The following GLO1 variants were observed in gnomAD, a reference collection of about 807,000 sequenced individuals.
GLO1 encodes the protein lactoylglutathione lyase.
In GLO1, 28 loss-of-function variants were observed where a neutral mutation model predicts 26.0. The ratio of observed to expected loss-of-function variants is 1.08; its 90% CI spans 0.80 to 1.48. The LOEUF is 1.48. GLO1 is among the 40% of genes most tolerant of loss of function. GLO1 has a pLI of 0.00. For missense variants in GLO1, 225 were observed against 224.8 expected (o/e 1.00, Z -0.01); for synonymous variants, 78 against 77.6 (o/e 1.00, Z -0.03).
intron 1 of GLO1, among the ~76,000 whole-genome samples, chr6:38,700,779 G>A (rs1761685752): frequency 7.5e-6 from 1 of 133,950 alleles, no homozygotes; most frequent in Admixed American, 7.6e-5. Flanking sequence ...TTAATTCATT[G>A]AGGGTTTTTT....
chr6:38,687,025 C>A, intron 1 of GLO1, 51 bp from the exon 2 acceptor site: 1 of 1,541,204 alleles, frequency 6.5e-7, no homozygotes, highest in South Asian at 1.2e-5. Flanking sequence ...CATTTATTAC[C>A]AACATTAATT....
intron 1 of GLO1, chr6:38,687,225 G>A (rs1354885428): frequency 2.9e-6 from 1 of 340,786 alleles, no homozygotes; most frequent in Non-Finnish European, 4.1e-6. Context: ...CTGTCCCTTG[G>A]TGGGACAATT....
In GLO1 at chr6:38,684,516, T is replaced by C. The variant is rs965733376; in HGVS notation, c.168-2A>G. On this transcript the variant is annotated splice_acceptor_variant, in intron 2 of 5. Coordinates refer to ENST00000373365, the MANE Select transcript of GLO1 (RefSeq NM_006708.3). LOFTEE classifies it high-confidence loss of function. ...GGAAAATCACATTTTTGGATTAGCC[T>C]GCAATGAAAAAACAACAAGCCTGAA... 6.7e-7 allele frequency: 1 copy of C among 1,501,662 alleles called. No individual in the cohort carries two copies. The highest frequency in any genetic ancestry group is 8.9e-7 in the Non-Finnish European group (1 of 1,124,372). 93.0% of individuals were successfully genotyped at this position (1,501,662 alleles called of 1,614,324 possible).
At chr6:38,693,683 C>CTATATATA (rs1287585297) in intron 1 of GLO1, among the ~76,000 whole-genome samples, 117 of 82,428 alleles carry the variant, frequency 1.4e-3, no homozygotes, top group African/African-American at 4.2e-3. Flanking sequence ...CTCTCTCTCT[C>CTATATATA]TCTATATATA....
chr6:38,697,680 G>A (rs1011157959), intron 1 of GLO1, among the ~76,000 whole-genome samples: 6 of 152,250 alleles, frequency 3.9e-5, no homozygotes, highest in African/African-American at 1.2e-4. Flanking sequence ...GGGAGTTAAC[G>A]AAAAGTCAAA....
intron 1 of GLO1, among the ~76,000 whole-genome samples, chr6:38,694,679 CAAA>C (rs533121970): frequency 7.1e-6 from 1 of 141,600 alleles, no homozygotes; most frequent in African/African-American, 2.6e-5. Flanking sequence ...CACCCTATCT[CAAA>C]AAAAAAAAGA....
intron 4 of GLO1, among the ~76,000 whole-genome samples, chr6:38,682,498 T>A (rs982693348): frequency 1.3e-5 from 2 of 152,040 alleles, no homozygotes; most frequent in African/African-American, 4.8e-5. Flanking sequence ...AAGGCAGAAG[T>A]GTATGTGCTA....
chr6:38,702,636 C>A (rs1240526950), intron 1 of GLO1, among the ~76,000 whole-genome samples: 4 of 152,132 alleles, frequency 2.6e-5, no homozygotes, highest in Non-Finnish European at 5.9e-5. Context: ...GAACCTATTT[C>A]TGGGAGTTCT....
chr6:38,690,605 AATT>A (rs965040738), intron 1 of GLO1, among the ~76,000 whole-genome samples: 5 of 152,028 alleles, frequency 3.3e-5, no homozygotes, highest in Admixed American at 1.3e-4. Context: ...TATTGAGATT[AATT>A]ATATCTTAAA....
intron 1 of GLO1, among the ~76,000 whole-genome samples, chr6:38,698,349 C>T (rs1424853924): frequency 6.6e-6 from 1 of 151,318 alleles, no homozygotes; most frequent in African/African-American, 2.4e-5. Flanking sequence ...TTCTTCCTTC[C>T]TCCTTTCCAT....
At chr6:38,702,787 T>A (rs1030997688) in intron 1 of GLO1, among the ~76,000 whole-genome samples, 184 bp downstream of exon 1, 1 of 151,818 alleles carries the variant, frequency 6.6e-6, no homozygotes, top group Non-Finnish European at 1.5e-5. Context: ...AGGCAACAGA[T>A]CCCCTCCACA....
chr6:38,686,250 A>G (rs1043284568), intron 2 of GLO1, among the ~76,000 whole-genome samples: 1 of 152,196 alleles, frequency 6.6e-6, no homozygotes, highest in African/African-American at 2.4e-5. Flanking sequence ...CTCAATGTGA[A>G]TGGAAGTTAT....
rs1761372132 is a variant in GLO1, at chr6:38,681,217, C to T, written c.466+795G>A. The stretch of plus-strand genomic sequence containing the variant: ...TAGGCGGACTATAGGCGCCCACCAC[C>T]ATGCCTGGCTAATTTTTTCTATTTT... On this transcript the variant is annotated intron_variant, in intron 5 of 5. Transcript: ENST00000373365. 2.0e-5 allele frequency among the ~76,000 whole-genome samples: 3 copies of T among 152,062 alleles called. No homozygotes were observed. In the South Asian group the frequency reaches 6.2e-4, roughly 32 times the overall value.
At chr6:38,699,782 C>T (rs1034892156) in intron 1 of GLO1, among the ~76,000 whole-genome samples, 2 of 152,084 alleles carry the variant, frequency 1.3e-5, no homozygotes, top group Non-Finnish European at 2.9e-5. Context: ...TCTCTGCTCT[C>T]GAACCCTGTT....
Position 38,703,139 on chromosome 6 carries a change from T to TA in GLO1, c.-86dup. 7 of 815,596 alleles carry TA rather than the reference T, an allele frequency of 8.6e-6. No individual in the cohort carries two copies. The highest frequency in any genetic ancestry group is 1.2e-5 in the Non-Finnish European group (6 of 506,994). The allele number at this position is 815,596 out of a possible 1,614,324, so 50.5% of individuals were successfully genotyped here. On this transcript the variant is annotated 5_prime_UTR_variant, in exon 1 of 6. Coordinates refer to ENST00000373365, the MANE Select transcript of GLO1 (RefSeq NM_006708.3). ...CGCCTCGGCCCTGTGCCGCCTTAAC[T>TA]AGGAATGGCGCGATGGCGCCGCGGG...
chr6:38,678,184 A>G (rs1562479281), intron 5 of GLO1, among the ~76,000 whole-genome samples: 1 of 152,186 alleles, frequency 6.6e-6, no homozygotes, highest in Non-Finnish European at 1.5e-5. Flanking sequence ...GTTTGCTTAA[A>G]TGGAAAAATA....
At chr6:38,678,284 C>T (rs535446011) in intron 5 of GLO1, among the ~76,000 whole-genome samples, 38 of 143,094 alleles carry the variant, frequency 2.7e-4, no homozygotes, top group African/African-American at 9.6e-4. Context: ...CCTAGAGGAA[C>T]ATAGATGGAA....
At chr6:38,687,748 C>T (rs1034143550) in intron 1 of GLO1, among the ~76,000 whole-genome samples, 1 of 152,200 alleles carries the variant, frequency 6.6e-6, no homozygotes, top group African/African-American at 2.4e-5. Flanking sequence ...TATGGTATTA[C>T]TGTCGATATT....
At chr6:38,688,895 C>A (rs1761493522) in intron 1 of GLO1, among the ~76,000 whole-genome samples, 1 of 152,226 alleles carries the variant, frequency 6.6e-6, no homozygotes, top group Admixed American at 6.5e-5. Flanking sequence ...TCAATGTAAT[C>A]ACACAAGACC....
Sources: gnomAD v4.1 joint callset for allele counts (sites outside exome capture counted in the v4.1 genomes callset) on GRCh38, gnomAD v4.1.1 for gene constraint, MANE v1.5 for transcripts, NCBI Gene and HGNC (gene_info 2026-07-23, HGNC 2026-07-21) for gene names.